The following CREB3L2 variants were observed in gnomAD, a reference collection of about 807,000 sequenced individuals.
CREB3L2 encodes the protein cyclic AMP-responsive element-binding protein 3-like protein 2.
A neutral mutation model predicts 57.2 loss-of-function variants in CREB3L2; 23 were observed. The observed-to-expected ratio is 0.40, with a 90% CI of 0.29 to 0.57. The LOEUF is 0.57. Ranked by LOEUF, CREB3L2 falls within the 20% of genes least tolerant of loss-of-function variation. The probability of loss-of-function intolerance (pLI) is 0.42; values close to 1 mark genes in which losing one functional copy is unlikely to be tolerated. For missense variants in CREB3L2, 628 were observed against 634.7 expected, an observed-to-expected ratio of 0.99 and a Z score of 0.11; for synonymous variants, 268 against 265.1, an observed-to-expected ratio of 1.01 and a Z score of -0.11.
chr7:137,882,384 G>C lies in CREB3L2; in HGVS notation c.1487+28C>G, dbSNP rs114314625. 1,560 of 1,556,532 alleles carry C rather than the reference G, an allele frequency of 1.0e-3. 18 individuals are homozygous for C. In the African/African-American group the frequency reaches 0.019, roughly 19 times the overall value. ...ATAACCCACCATCAGTGCACTAGAG[G>C]AGTTGGCTCTGTGTCTCTATGACTC... is the stretch of plus-strand genomic sequence containing the variant. On this transcript the variant is annotated intron_variant, in intron 11 of 11. Coordinates refer to ENST00000330387, the MANE Select transcript of CREB3L2 (RefSeq NM_194071.4).
At position 137,901,494 on chromosome 7, in the gene CREB3L2, T is replaced by G. The variant is rs76898697; in HGVS notation, c.975-72A>C. ...ACTAAGCTAGGAGCTAGGGTGGAGG[T>G]AGGTGGGGATGAGGAAAAGGAGGGT... On this transcript the variant is annotated intron_variant, in intron 7 of 11. Transcript: ENST00000330387. 3.6e-4 allele frequency: 340 copies of G among 934,018 alleles called. 1 individual carries two copies. In the East Asian group the frequency reaches 8.0e-3, roughly 22 times the overall value. The allele number at this position is 934,018 out of a possible 1,614,324, so 57.9% of individuals were successfully genotyped here.
intron 8 of CREB3L2, among the ~76,000 whole-genome samples, chr7:137,897,870 T>C (rs889602043): frequency 1.3e-5 from 2 of 152,214 alleles, no homozygotes; most frequent in African/African-American, 4.8e-5. Context: ...GCACATATTA[T>C]GTATGCATCT....
At position 137,922,370 on chromosome 7, in the gene CREB3L2, CTATATATATATATGTATATATATA is replaced by C. The variant is rs1800302460; in HGVS notation, c.319+5756_319+5779del. On this transcript the variant is annotated intron_variant, in intron 2 of 11. Transcript: ENST00000330387. ...CCTGTATCAGATACTTTCTGGTTTA[CTATATATATATATGTATATATATA>C]TATATATATATATATATATATGTAT... Among the ~76,000 whole-genome samples, 139 of 100,748 alleles carry C rather than the reference CTATATATATATATGTATATATATA, an allele frequency of 1.4e-3. 2 individuals are homozygous for C. The highest frequency in any genetic ancestry group is 5.7e-3 in the African/African-American group (127 of 22,456). The allele number at this position is 100,748 out of a possible 152,430, so 66.1% of individuals were successfully genotyped here. A position where few individuals can be genotyped will look rare whatever the true frequency, so the allele number is the denominator to read the frequency against.
chr7:137,913,506 C>CAAAAAAAAAAAAAAG (rs1800059966), intron 3 of CREB3L2, among the ~76,000 whole-genome samples: 1 of 108,734 alleles, frequency 9.2e-6, no homozygotes, highest in Admixed American at 9.2e-5. Flanking sequence ...GACCCTATCT[C>CAAAAAAAAAAAAAAG]AAAAAAAAAA....
At chr7:137,932,459 G>A (rs1399975074) in intron 1 of CREB3L2, among the ~76,000 whole-genome samples, 6 of 152,198 alleles carry the variant, frequency 3.9e-5, no homozygotes, top group East Asian at 1.9e-4. Flanking sequence ...TAGGCCGGGC[G>A]CAGTGGCTCA....
intron 7 of CREB3L2, among the ~76,000 whole-genome samples, chr7:137,903,387 AG>A (rs1160092711): frequency 6.6e-6 from 1 of 152,236 alleles, no homozygotes; most frequent in Non-Finnish European, 1.5e-5. Context: ...ACTAACTTCC[AG>A]GGCTAAGACA....
At chr7:137,913,178 G>T in intron 3 of CREB3L2, 100 bp from the exon 4 acceptor site, 1 of 1,207,004 alleles carries the variant, frequency 8.3e-7, no homozygotes, top group Non-Finnish European at 1.2e-6. Flanking sequence ...TCTCGGGACA[G>T]CCCTGCCTAT....
intron 1 of CREB3L2, among the ~76,000 whole-genome samples, chr7:137,931,971 C>T (rs1800653819): frequency 6.6e-6 from 1 of 152,154 alleles, no homozygotes; most frequent in African/African-American, 2.4e-5. Flanking sequence ...ACTGTTAAAG[C>T]TCCCATCCAT....
intron 10 of CREB3L2, among the ~76,000 whole-genome samples, chr7:137,882,876 C>CT (rs1450423218): frequency 6.6e-6 from 1 of 151,596 alleles, no homozygotes; most frequent in Non-Finnish European, 1.5e-5. Context: ...ACAAGGCAAA[C>CT]TACCACCCCC....
chr7:137,923,103 T>C (rs1424489658), intron 2 of CREB3L2, among the ~76,000 whole-genome samples: 2 of 152,170 alleles, frequency 1.3e-5, no homozygotes, highest in African/African-American at 2.4e-5. Flanking sequence ...GTGGTGATAG[T>C]AGTAGAAACA....
intron 1 of CREB3L2, among the ~76,000 whole-genome samples, chr7:137,982,342 T>C: frequency 6.6e-6 from 1 of 152,160 alleles, no homozygotes; most frequent in Non-Finnish European, 1.5e-5. Flanking sequence ...CCATGAGTCC[T>C]TGGGAACCTT....
chr7:137,997,404 T>C (rs892746725), intron 1 of CREB3L2, among the ~76,000 whole-genome samples: 1 of 152,116 alleles, frequency 6.6e-6, no homozygotes, highest in Non-Finnish European at 1.5e-5. Flanking sequence ...ATTTTAAAAT[T>C]TATAGATTAT....
intron 1 of CREB3L2, among the ~76,000 whole-genome samples, chr7:138,000,331 C>T (rs1802053645): frequency 1.3e-5 from 2 of 152,252 alleles, no homozygotes; most frequent in African/African-American, 4.8e-5. Flanking sequence ...GGTACCCCAA[C>T]CTCCGTGCTG....
intron 1 of CREB3L2, among the ~76,000 whole-genome samples, chr7:137,983,709 T>A (rs1175343093): frequency 6.6e-6 from 1 of 152,232 alleles, no homozygotes; most frequent in Non-Finnish European, 1.5e-5. Flanking sequence ...TTCTTCATTG[T>A]TCGCATACCT....
intron 1 of CREB3L2, among the ~76,000 whole-genome samples, chr7:137,976,837 G>A (rs1192410999): frequency 6.6e-6 from 1 of 152,148 alleles, no homozygotes; most frequent in Non-Finnish European, 1.5e-5. Context: ...TGCCTCCCAT[G>A]AGCCCCGCCC....
chr7:137,988,505 T>C (rs1801828745), intron 1 of CREB3L2, among the ~76,000 whole-genome samples: 3 of 152,246 alleles, frequency 2.0e-5, no homozygotes, highest in African/African-American at 7.2e-5. Flanking sequence ...ACTTGAATAT[T>C]GTTGATGCCT....
intron 1 of CREB3L2, among the ~76,000 whole-genome samples, chr7:137,936,284 C>T (rs1005766595): frequency 6.6e-6 from 1 of 152,206 alleles, no homozygotes; most frequent in Non-Finnish European, 1.5e-5. Flanking sequence ...GCAGTTGTGC[C>T]ATCCCATAGT....
intron 8 of CREB3L2, among the ~76,000 whole-genome samples, chr7:137,896,440 T>C (rs980558892): frequency 6.6e-6 from 1 of 152,148 alleles, no homozygotes; most frequent in Non-Finnish European, 1.5e-5. Context: ...TAGCTGGGAT[T>C]ACAGGCACAC....
At chr7:137,895,862 C>A (rs1178408978) in intron 8 of CREB3L2, among the ~76,000 whole-genome samples, 3 of 152,234 alleles carry the variant, frequency 2.0e-5, no homozygotes, top group South Asian at 2.1e-4. Flanking sequence ...TCTCCACCCC[C>A]CATTTCTGGT....
Sources: allele counts gnomAD v4.1 joint callset (sites outside exome capture counted in the v4.1 genomes callset), GRCh38; gene constraint gnomAD v4.1.1; transcripts MANE v1.5; gene names NCBI Gene and HGNC (gene_info 2026-07-23, HGNC 2026-07-21).